IQGAP1: variants seen among roughly 807,000 people sequenced by gnomAD.
The protein encoded by IQGAP1 is IQ motif containing GTPase activating protein 1.
In IQGAP1, 66 loss-of-function variants were observed where a neutral mutation model predicts 215.6. That is an observed-to-expected ratio of 0.31 (90% CI 0.25 to 0.38). IQGAP1 has a LOEUF of 0.38. IQGAP1 is among the 10% of genes least tolerant of loss of function. The pLI, the probability that IQGAP1 is intolerant of heterozygous loss-of-function variation, is 1.00. For synonymous variants in IQGAP1, 772 were observed against 728.7 expected (o/e 1.06, Z -0.96); for missense variants, 1,712 against 1,997.1 (o/e 0.86, Z 2.72).
At chr15:90,472,732 A>T (rs896100827) in intron 18 of IQGAP1, 108 bp from the exon 19 acceptor site, 1 of 1,041,596 alleles carries the variant, frequency 9.6e-7, no homozygotes, top group African/African-American at 1.6e-5. Flanking sequence ...TCTAGTATAG[A>T]CTTAGGAAGC....
At chr15:90,456,832 G>A (rs1965687624) in intron 15 of IQGAP1, among the ~76,000 whole-genome samples, 1 of 150,666 alleles carries the variant, frequency 6.6e-6, no homozygotes, top group South Asian at 2.1e-4. Flanking sequence ...AGGTTGCAGT[G>A]AGCCGAGATT....
chr15:90,412,485 C>G (rs1031029208), intron 2 of IQGAP1, among the ~76,000 whole-genome samples: 6 of 152,164 alleles, frequency 3.9e-5, no homozygotes, highest in African/African-American at 1.4e-4. Flanking sequence ...CTGCCCTTGG[C>G]CTGACGTATT....
intron 13 of IQGAP1, among the ~76,000 whole-genome samples, chr15:90,454,118 T>C (rs561220684): frequency 1.3e-5 from 2 of 152,354 alleles, no homozygotes; most frequent in South Asian, 4.1e-4. Context: ...TGAATGATGA[T>C]TTGTTGCTCT....
rs1965557793 is a variant in IQGAP1 at position 90,448,645 on chromosome 15, A to G, written c.986A>G (p.Gln329Arg). 6.2e-7 allele frequency: 1 copy of G among 1,612,518 alleles called. No homozygotes were observed. Among genetic ancestry groups the G allele is most frequent in the African/African-American group, 1.3e-5 (1 of 74,982 alleles). The change falls in exon 10 of 38, where the codon CAG (glutamine) becomes CGG (arginine). Residue 329 changes from glutamine (Q) to arginine (R), a missense_variant. Gln to Arg is a conservative substitution (Grantham distance 43). This residue lies in a region of IQGAP1 where 1,021 missense variants were observed against 1,074.2 expected (regional missense o/e 0.95). Coordinates refer to ENST00000268182, the MANE Select transcript of IQGAP1 (RefSeq NM_003870.4). ...GCACTGGCCTTGTTCAGGGCTCTGCAGTCACCAGCCCTGGGGCTTCGAGGA... is the reference window on the plus strand; with the variant it reads ...GCACTGGCCTTGTTCAGGGCTCTGCGGTCACCAGCCCTGGGGCTTCGAGGA... Reference protein sequence around the residue: ...GDALALFRALQSPALGLRGLQ... With the variant: ...GDALALFRALRSPALGLRGLQ...
At chr15:90,425,526 A>G (rs1313985243) in intron 2 of IQGAP1, among the ~76,000 whole-genome samples, 2 of 151,684 alleles carry the variant, frequency 1.3e-5, no homozygotes, top group Admixed American at 6.6e-5. Context: ...TTCTTTTCCT[A>G]TCCTTTTTAC....
intron 9 of IQGAP1, among the ~76,000 whole-genome samples, chr15:90,445,273 T>C (rs752893818): frequency 4.6e-5 from 7 of 152,058 alleles, no homozygotes; most frequent in Non-Finnish European, 1.0e-4. Flanking sequence ...CGAGATAGTG[T>C]ATGTAAATTG....
chr15:90,483,105 C>T (rs1237074826), intron 28 of IQGAP1: 4 of 395,744 alleles, frequency 1.0e-5, no homozygotes, highest in African/African-American at 2.0e-5. Flanking sequence ...TCTGAATCTG[C>T]TCTTTCATTA....
chr15:90,388,472 C>A, intron 1 of IQGAP1, 76 bp downstream of exon 1: 2 of 388,240 alleles, frequency 5.2e-6, no homozygotes, highest in Non-Finnish European at 4.4e-6. Flanking sequence ...CCTGGGGGCT[C>A]GGCCGGGCGG....
chr15:90,444,430 C>T (rs1965498697), intron 9 of IQGAP1, among the ~76,000 whole-genome samples: 2 of 152,024 alleles, frequency 1.3e-5, no homozygotes, highest in South Asian at 2.1e-4. Context: ...TACAGTCATG[C>T]GCTGCCACAC....
intron 36 of IQGAP1, among the ~76,000 whole-genome samples, chr15:90,496,277 C>G (rs1178071237): frequency 7.5e-6 from 1 of 132,538 alleles, no homozygotes; most frequent in Non-Finnish European, 1.6e-5. Flanking sequence ...GGGTGCTATA[C>G]TTTGATCATC....
intron 9 of IQGAP1, among the ~76,000 whole-genome samples, chr15:90,446,520 A>T (rs192425258): frequency 6.6e-6 from 1 of 152,298 alleles, no homozygotes; most frequent in East Asian, 1.9e-4. Flanking sequence ...TTCAGTGTAC[A>T]TGGATCTTCA....
At position 90,473,940 on chromosome 15, in the gene IQGAP1, A is replaced by G; in HGVS notation, c.2478A>G (p.Arg826=). The G allele has an allele frequency of 6.2e-7, 1 of 1,614,044 alleles. No homozygotes were observed. The highest frequency in any genetic ancestry group is 8.5e-7 in the Non-Finnish European group (1 of 1,180,014). ...ARMHQARKRY[R]DRLQYFRDHI... is the part of the protein sequence containing the mutation. ...TGCACCAAGCTCGAAAGCGCTATCG[A>G]GATCGCCTGCAGTACTTCCGGGACC... The change falls in exon 21 of 38, where the codon CGA becomes CGG. Residue 826 remains arginine, a synonymous_variant. Coordinates refer to ENST00000268182, the MANE Select transcript of IQGAP1 (RefSeq NM_003870.4).
chr15:90,471,579 A>C (rs1965905865), intron 18 of IQGAP1, among the ~76,000 whole-genome samples: 1 of 151,064 alleles, frequency 6.6e-6, no homozygotes, highest in African/African-American at 2.4e-5. Flanking sequence ...GGCTCACCAC[A>C]GCTTCCGCCT....
At chr15:90,389,341 C>CTT (rs563216137) in intron 1 of IQGAP1, among the ~76,000 whole-genome samples, 2,459 of 128,358 alleles carry the variant, frequency 0.019, 47 homozygotes, top group Non-Finnish European at 0.022. Context: ...CGGGAGGTGA[C>CTT]TTTTTTTTTT....
intron 3 of IQGAP1, 64 bp from the exon 4 acceptor site, chr15:90,429,525 G>C (rs1262749666): frequency 1.6e-6 from 2 of 1,243,156 alleles, no homozygotes; most frequent in East Asian, 4.9e-5. Flanking sequence ...TTTGCGAAGA[G>C]AGTTTTTATT....
chr15:90,408,678 G>A (rs956005124), intron 2 of IQGAP1, among the ~76,000 whole-genome samples: 1 of 152,108 alleles, frequency 6.6e-6, no homozygotes, highest in Admixed American at 6.5e-5. Context: ...GGGCATCCCT[G>A]TCTCTACCTT....
intron 14 of IQGAP1, among the ~76,000 whole-genome samples, chr15:90,455,633 C>G (rs927189281): frequency 5.3e-5 from 8 of 152,224 alleles, no homozygotes; most frequent in Non-Finnish European, 1.0e-4. Flanking sequence ...ATTCAACTGA[C>G]TTGGTGGGAA....
chr15:90,420,489 A>G (rs1276447268), intron 2 of IQGAP1, among the ~76,000 whole-genome samples: 1 of 152,124 alleles, frequency 6.6e-6, no homozygotes, highest in African/African-American at 2.4e-5. Context: ...GTTACCTTGA[A>G]TGTTTGATTC....
At chr15:90,476,421 G>A (rs1170657674) in intron 23 of IQGAP1, among the ~76,000 whole-genome samples, 6 of 152,218 alleles carry the variant, frequency 3.9e-5, no homozygotes, top group Non-Finnish European at 8.8e-5. Flanking sequence ...ATAGACTGCT[G>A]GAAGTTGGTT....
Sources: allele counts gnomAD v4.1 joint callset (sites outside exome capture counted in the v4.1 genomes callset), GRCh38; gene constraint gnomAD v4.1.1; regional missense constraint gnomAD v4.1.1; transcripts MANE v1.5; gene names NCBI Gene and HGNC (gene_info 2026-07-23, HGNC 2026-07-21).